GATA6: variants seen among roughly 807,000 people sequenced by gnomAD.
The protein encoded by GATA6 is transcription factor GATA-6.
In GATA6, 11 loss-of-function variants were observed where a neutral mutation model predicts 48.1. The observed-to-expected ratio is 0.23, with a 90% CI of 0.14 to 0.38. The LOEUF (loss-of-function observed/expected upper bound fraction) is 0.38. Ranked by LOEUF, GATA6 falls within the 10% of genes least tolerant of loss-of-function variation. GATA6 has a pLI of 1.00. For synonymous variants in GATA6, 419 were observed against 396.1 expected, an observed-to-expected ratio of 1.06 and a Z score of -0.69; for missense variants, 795 against 850.3, an observed-to-expected ratio of 0.93 and a Z score of 0.81.
At position 22,171,465 on chromosome 18, in the gene GATA6, G is replaced by C; in HGVS notation, c.321G>C (p.Ser107=). 6.3e-7 allele frequency: 1 copy of C among 1,599,346 alleles called. No homozygotes were observed. The highest frequency in any genetic ancestry group is 8.5e-7 in the Non-Finnish European group (1 of 1,179,204). ...TCGCGGGCCCCGGGGGCAACCTGTC[G>C]AGCTGGGAGGACTTGCTGCTGTTCA... The part of the protein sequence containing the change: ...PGVAGPGGNL[S]SWEDLLLFTD... The change falls in exon 2 of 7, where the codon TCG becomes TCC. Residue 107 remains serine (S), a synonymous_variant. Coordinates refer to ENST00000269216, the MANE Select transcript of GATA6 (RefSeq NM_005257.6). This position sits in a 1 kb window ranked among gnomAD's most constrained non-coding sequence, Gnocchi z 7.1.
intron 1 of GATA6, 86 bp downstream of exon 1, chr18:22,169,768 G>A (rs374012841): frequency 6.6e-6 from 1 of 152,236 alleles, no homozygotes; most frequent in African/African-American, 2.4e-5. Context: ...CCGGCTCTCC[G>A]GCCCTCTCCA....
chr18:22,177,320 A>G (rs1288764107), intron 3 of GATA6, among the ~76,000 whole-genome samples, 199 bp downstream of exon 3: 4 of 152,304 alleles, frequency 2.6e-5, no homozygotes, highest in Non-Finnish European at 1.5e-5. Flanking sequence ...GCGCCCAAGT[A>G]GAAGTTACCC....
At position 22,170,375 on chromosome 18, in the gene GATA6, G is replaced by A. The variant is rs560032230; in HGVS notation, c.-38+693G>A. ...TGTCTAAGGTGTGCGGCGCCGCGGG[G>A]ACGCCGGTGGGGCTGGCGATTCCCG... On this transcript the variant is annotated intron_variant, in intron 1 of 6. Transcript: ENST00000269216. This position sits in a 1 kb window ranked among gnomAD's most constrained non-coding sequence, Gnocchi z 6.7. Among the ~76,000 whole-genome samples, 239 of 152,332 alleles carry A rather than the reference G, an allele frequency of 1.6e-3. No individual in the cohort carries two copies. The Middle Eastern group carries it at 0.017, about 11-fold the overall frequency.
At position 22,171,953 on chromosome 18, in the gene GATA6, C is replaced by T. The variant is rs1488181197; in HGVS notation, c.809C>T (p.Pro270Leu). 1.0e-5 allele frequency: 12 copies of T among 1,200,414 alleles called. No individual in the cohort carries two copies. The highest frequency in any genetic ancestry group is 3.5e-5 in the East Asian group (1 of 28,518). The allele number at this position is 1,200,414 out of a possible 1,614,324, so 74.4% of individuals were successfully genotyped here. Residue 270 changes from proline to leucine, a missense_variant, in exon 2 of 7, where the codon CCC becomes CTC. By Grantham distance (98) the Pro-to-Leu change is moderately conservative (BLOSUM62 -3). Transcript: ENST00000269216. The surrounding 1 kb of genome is among the most constrained non-coding windows in gnomAD (Gnocchi z 7.1). ...CGCTTCCCCTACTCTCCCAGCCCGC[C>T]CATGGCCAACGGCGCCGCGCGGGAG... is the stretch of plus-strand genomic sequence containing the variant. ...SARFPYSPSP[P>L]MANGAAREPG...
At chr18:22,182,916 T>C (rs758195227) in intron 5 of GATA6, 24 bp from the exon 6 acceptor site, 9 of 1,605,834 alleles carry the variant, frequency 5.6e-6, no homozygotes, top group Non-Finnish European at 5.1e-6. Flanking sequence ...TGTATATTTA[T>C]AAGGTTTATT....
intron 6 of GATA6, among the ~76,000 whole-genome samples, chr18:22,187,827 C>G (rs878940479): frequency 3.1e-4 from 47 of 151,594 alleles, no homozygotes; most frequent in Admixed American, 2.1e-3. Flanking sequence ...GCAATAATAT[C>G]TGAAAATGGC....
At position 22,171,558 on chromosome 18, in the gene GATA6, C is replaced by A. The variant is rs760552225; in HGVS notation, c.414C>A (p.Pro138=). The change falls in exon 2 of 7, where the codon CCC becomes CCA. Residue 138 remains proline, a synonymous_variant. Transcript: ENST00000269216. The surrounding 1 kb of genome is among the most constrained non-coding windows in gnomAD (Gnocchi z 7.1). ...LWSSRGAKLS[P]FAPEQPEEMY... ...CCAGCCGCGGCGCCAAGCTGAGCCCCTTCGCACCCGAGCAGCCGGAGGAGA... is the reference window on the plus strand; with the variant it reads ...CCAGCCGCGGCGCCAAGCTGAGCCCATTCGCACCCGAGCAGCCGGAGGAGA... The A allele has an allele frequency of 6.2e-7, 1 of 1,603,544 alleles. No individual in the cohort carries two copies.
At chr18:22,200,537 A>G in intron 6 of GATA6, 119 bp from the exon 7 acceptor site, 1 of 1,288,658 alleles carries the variant, frequency 7.8e-7, no homozygotes, top group Non-Finnish European at 1.1e-6. Flanking sequence ...GGGTCTGCCC[A>G]GGAGCAGCTC....
At chr18:22,187,326 C>A (rs545912136) in intron 6 of GATA6, among the ~76,000 whole-genome samples, 11 of 152,086 alleles carry the variant, frequency 7.2e-5, no homozygotes, top group Admixed American at 5.2e-4. Context: ...ACTAAAAATA[C>A]AAACTTAGCC....
chr18:22,174,937 C>T (rs1298185758), intron 2 of GATA6, among the ~76,000 whole-genome samples: 4 of 152,018 alleles, frequency 2.6e-5, no homozygotes. Context: ...GGGTCCTACA[C>T]CCTCCTAAGC....
chr18:22,179,132 G>T (rs1163528630), intron 3 of GATA6, among the ~76,000 whole-genome samples: 3 of 152,180 alleles, frequency 2.0e-5, no homozygotes, highest in African/African-American at 7.2e-5. Context: ...AGGTGTCTTG[G>T]CCATAACCAA....
At position 22,200,630 on chromosome 18, in the gene GATA6, TCCTCTGTGTCCC is replaced by T. The variant is rs777591749; in HGVS notation, c.1621-20_1621-9del. 2 of 1,614,048 alleles carry T rather than the reference TCCTCTGTGTCCC, an allele frequency of 1.2e-6. No individual in the cohort carries two copies. Among genetic ancestry groups the T allele is most frequent in the Non-Finnish European group, 1.7e-6 (2 of 1,179,984 alleles). On this transcript the variant is annotated splice_polypyrimidine_tract_variant and intron_variant, in intron 6 of 6. Coordinates refer to ENST00000269216, the MANE Select transcript of GATA6 (RefSeq NM_005257.6). Reference sequence around the variant, plus strand: ...TAACCGCTTCTCACCTTCTCGTCTCTCCTCTGTGTCCCCCTCTTCTGCCAGGCGGGTGCCCCG... The same window carrying T: ...TAACCGCTTCTCACCTTCTCGTCTCTCCTCTTCTGCCAGGCGGGTGCCCCG...
Position 22,201,532 on chromosome 18 carries a change from A to AT in GATA6, c.*715dup, listed in dbSNP as rs1391973798. On this transcript the variant is annotated 3_prime_UTR_variant, in exon 7 of 7. Coordinates refer to ENST00000269216, the MANE Select transcript of GATA6 (RefSeq NM_005257.6). ...AATCATTTGCATAAGATTTAACAGC[A>AT]TTTTTTATAATGAATGTAAACATTT... 5.2e-5 allele frequency: 8 copies of AT among 152,644 alleles called. No individual in the cohort carries two copies. Among genetic ancestry groups the AT allele is most frequent in the South Asian group, 2.1e-4 (1 of 4,826 alleles). 9.5% of individuals were successfully genotyped at this position (152,644 alleles called of 1,614,324 possible).
chr18:22,171,512 C>G lies in GATA6; in HGVS notation c.368C>G (p.Thr123Ser). Residue 123 changes from threonine (T) to serine (S), a missense_variant, in exon 2 of 7, where the codon ACC (threonine) becomes AGC (serine). By Grantham distance (58) the Thr-to-Ser change is moderately conservative. Around this residue, in one of 5 missense-constraint regions of GATA6, gnomAD observed 591 missense variants for 570.0 expected, o/e 1.04. Transcript: ENST00000269216. This position sits in a 1 kb window ranked among gnomAD's most constrained non-coding sequence, Gnocchi z 7.1. The part of the protein sequence containing the change: ...LLFTDLDQAA[T>S]ASKLLWSSRG... ...TTCACTGACCTCGACCAAGCCGCGA[C>G]CGCCAGCAAGCTGCTGTGGTCCAGC... The G allele has an allele frequency of 1.9e-6, 3 of 1,603,308 alleles. No individual in the cohort carries two copies. The South Asian group carries it at 3.3e-5, about 18-fold the overall frequency.
At chr18:22,180,944 G>T (rs1055793923) in intron 3 of GATA6, among the ~76,000 whole-genome samples, 10 of 152,074 alleles carry the variant, frequency 6.6e-5, no homozygotes, top group African/African-American at 1.7e-4. Context: ...TGTCCACGGT[G>T]GGGGGTGGGC....
Position 22,171,520 on chromosome 18 carries a change from A to C in GATA6, c.376A>C (p.Lys126Gln). The change falls in exon 2 of 7, where the codon AAG (lysine) becomes CAG (glutamine). Residue 126 changes from lysine to glutamine, a missense_variant. Lys to Gln is a moderately conservative substitution (Grantham distance 53, BLOSUM62 1). This residue lies in a region of GATA6 where 591 missense variants were observed against 570.0 expected (regional missense o/e 1.04). Transcript: ENST00000269216. The surrounding 1 kb of genome is among the most constrained non-coding windows in gnomAD (Gnocchi z 7.1). ...TDLDQAATAS[K>Q]LLWSSRGAKL... ...CCTCGACCAAGCCGCGACCGCCAGC[A>C]AGCTGCTGTGGTCCAGCCGCGGCGC... 1 of 1,603,746 alleles carries C rather than the reference A, an allele frequency of 6.2e-7. No individual in the cohort carries two copies. Among genetic ancestry groups the C allele is most frequent in the East Asian group, 2.2e-5 (1 of 44,838 alleles).
At chr18:22,182,535 T>A (rs2033211745) in intron 4 of GATA6, among the ~76,000 whole-genome samples, 1 of 152,124 alleles carries the variant, frequency 6.6e-6, no homozygotes, top group African/African-American at 2.4e-5. Flanking sequence ...TTTTTGTATA[T>A]TTAGTAGAGA....
rs775374335 is a variant in GATA6, at chr18:22,177,952, GTTTTTTT to G, written c.1302+851_1302+857del. Among the ~76,000 whole-genome samples, 116 of 80,492 alleles carry G rather than the reference GTTTTTTT, an allele frequency of 1.4e-3. 1 individual carries two copies. Among genetic ancestry groups the G allele is most frequent in the South Asian group, 0.011 (25 of 2,258 alleles). The allele number at this position is 80,492 out of a possible 152,430, so 52.8% of individuals were successfully genotyped here. On this transcript the variant is annotated intron_variant, in intron 3 of 6. Transcript: ENST00000269216. ...TTCGCACACGTTTTACTGTTTTTTT[GTTTTTTT>G]TTTTTTTTTTTTTTTTTTTGAGACG...
intron 6 of GATA6, among the ~76,000 whole-genome samples, chr18:22,198,142 T>C (rs1313109777): frequency 6.6e-6 from 1 of 151,972 alleles, no homozygotes; most frequent in East Asian, 1.9e-4. Context: ...TGGAGTGCAG[T>C]GATGCAATCG....
Sources: gnomAD v4.1 joint callset for allele counts (sites outside exome capture counted in the v4.1 genomes callset) on GRCh38, gnomAD v4.1.1 for gene constraint, gnomAD v4.1.1 regional missense constraint, Gnocchi (gnomAD v3.1) non-coding constraint, MANE v1.5 for transcripts, NCBI Gene and HGNC (gene_info 2026-07-23, HGNC 2026-07-21) for gene names.